Variants in VAPA observed in about 807,000 individuals in gnomAD.
VAPA encodes the protein VAMP associated protein A.
VAPA carries 6 observed loss-of-function variants against 25.6 expected under a neutral mutation model. That is an observed-to-expected ratio of 0.23 (90% CI 0.13 to 0.46). The LOEUF (loss-of-function observed/expected upper bound fraction) is 0.46. Among genes scored for constraint, VAPA ranks in the 20% least tolerant of loss-of-function variants. The probability of loss-of-function intolerance (pLI) is 0.99; values close to 1 mark genes in which losing one functional copy is unlikely to be tolerated. For synonymous variants in VAPA, 112 were observed against 106.2 expected, an observed-to-expected ratio of 1.05 and a Z score of -0.34; for missense variants, 244 against 302.1, an observed-to-expected ratio of 0.81 and a Z score of 1.43.
At chr18:9,929,560 G>T (rs1411758265) in intron 1 of VAPA, among the ~76,000 whole-genome samples, 1 of 152,132 alleles carries the variant, frequency 6.6e-6, no homozygotes, top group Non-Finnish European at 1.5e-5. Flanking sequence ...ATGTTTTTAT[G>T]AGGTGGGATA....
In VAPA at chr18:9,958,014, A is replaced by C. The variant is rs1263128090; in HGVS notation, c.*3803A>C. 3 of 152,224 alleles carry C rather than the reference A, an allele frequency of 2.0e-5. No individual in the cohort carries two copies. The highest frequency in any genetic ancestry group is 6.5e-5 in the Admixed American group (1 of 15,284). 9.4% of individuals were successfully genotyped at this position (152,224 alleles called of 1,614,324 possible). ...AAACATATATCACTAAGGAAAAAGA[A>C]AGTTTGTCTTGCCCTTCTGACACAG... On this transcript the variant is annotated 3_prime_UTR_variant, in exon 6 of 6. Transcript: ENST00000400000.
At chr18:9,915,650 G>C (rs1464460285) in intron 1 of VAPA, 3 of 152,142 alleles carry the variant, frequency 2.0e-5, no homozygotes, top group Admixed American at 6.5e-5. Flanking sequence ...GTTGTGTAAG[G>C]CTGAGTCCAA....
At chr18:9,938,931 A>G (rs2069338241) in intron 4 of VAPA, among the ~76,000 whole-genome samples, 1 of 152,196 alleles carries the variant, frequency 6.6e-6, no homozygotes, top group African/African-American at 2.4e-5. Context: ...GGTATTGTTT[A>G]AGGCAAATCC....
intron 2 of VAPA, among the ~76,000 whole-genome samples, chr18:9,935,243 A>G (rs2069297162): frequency 6.6e-6 from 1 of 152,068 alleles, no homozygotes; most frequent in Non-Finnish European, 1.5e-5. Flanking sequence ...ATAGATGTTT[A>G]TTTAAAATAC....
At chr18:9,936,437 G>A in intron 3 of VAPA, 1 of 323,222 alleles carries the variant, frequency 3.1e-6, no homozygotes, top group East Asian at 5.6e-5. Flanking sequence ...CTGGCCTGGT[G>A]CAGTGGCTCA....
chr18:9,921,107 C>T (rs1599097023), intron 1 of VAPA, among the ~76,000 whole-genome samples: 1 of 152,336 alleles, frequency 6.6e-6, no homozygotes, highest in East Asian at 1.9e-4. Flanking sequence ...GTTCTGGCAT[C>T]ATAAAATGAT....
chr18:9,938,000 T>A (rs2069328378), intron 4 of VAPA, among the ~76,000 whole-genome samples: 3 of 152,164 alleles, frequency 2.0e-5, no homozygotes, highest in African/African-American at 7.2e-5. Flanking sequence ...TTTAAGTGAT[T>A]TTTGAGGTAT....
At chr18:9,951,665 T>C (rs545268733) in intron 5 of VAPA, among the ~76,000 whole-genome samples, 1 of 152,272 alleles carries the variant, frequency 6.6e-6, no homozygotes, top group South Asian at 2.1e-4. Context: ...CTCTAGGCTT[T>C]GTTTGAAGCT....
At position 9,950,520 on chromosome 18, in the gene VAPA, A is replaced by G. The variant is rs750814049; in HGVS notation, c.543A>G (p.Arg181=). The G allele has an allele frequency of 7.4e-6, 12 of 1,613,194 alleles. No homozygotes were observed. Among genetic ancestry groups the G allele is most frequent in the East Asian group, 2.2e-5 (1 of 44,880 alleles). ...ETRKLMEECK[R]LQGEMMKLSE... is the part of the protein sequence containing the mutation. ...GGAAACTAATGGAAGAGTGTAAAAG[A>G]CTTCAGGGAGAAATGATGAAGCTAT... The change falls in exon 5 of 6, where the codon AGA becomes AGG. Residue 181 remains arginine (R), a synonymous_variant. Coordinates refer to ENST00000400000, the MANE Select transcript of VAPA (RefSeq NM_194434.3).
chr18:9,914,561 G>A, intron 1 of VAPA: 1 of 221,886 alleles, frequency 4.5e-6, no homozygotes, highest in South Asian at 1.8e-4. Context: ...TGCGGTGCGC[G>A]CGCCGGCCGG....
chr18:9,937,413 C>T (rs138798997), intron 4 of VAPA, among the ~76,000 whole-genome samples: 1 of 152,030 alleles, frequency 6.6e-6, no homozygotes, highest in Non-Finnish European at 1.5e-5. Context: ...TGCTTTTTGG[C>T]CACTATGTAC....
intron 2 of VAPA, among the ~76,000 whole-genome samples, chr18:9,932,642 G>T (rs913299117): frequency 2.0e-5 from 3 of 152,104 alleles, no homozygotes; most frequent in Non-Finnish European, 1.5e-5. Context: ...GTAAATATGA[G>T]AACTTTTATG....
At chr18:9,918,664 CTG>C (rs2069132531) in intron 1 of VAPA, among the ~76,000 whole-genome samples, 1 of 152,208 alleles carries the variant, frequency 6.6e-6, no homozygotes, top group Admixed American at 6.5e-5. Context: ...TTATCTCACT[CTG>C]TGAACTTTCT....
At chr18:9,928,597 CATTTTT>C (rs1417567345) in intron 1 of VAPA, among the ~76,000 whole-genome samples, 1 of 152,042 alleles carries the variant, frequency 6.6e-6, no homozygotes, top group Non-Finnish European at 1.5e-5. Flanking sequence ...CTTCATAACT[CATTTTT>C]ATATTTTGTA....
At position 9,955,738 on chromosome 18, in the gene VAPA, T is replaced by TA. The variant is rs1466608672; in HGVS notation, c.*1528dup. ...TGTTTTGAATTTGTCAGATCACACA[T>TA]ATATTGTGTTATTGGGCGCTGTGGT... On this transcript the variant is annotated 3_prime_UTR_variant, in exon 6 of 6. Coordinates refer to ENST00000400000, the MANE Select transcript of VAPA (RefSeq NM_194434.3). 6.6e-6 allele frequency: 1 copy of TA among 152,198 alleles called. No homozygotes were observed. Among genetic ancestry groups the TA allele is most frequent in the Non-Finnish European group, 1.5e-5 (1 of 68,028 alleles). The allele number at this position is 152,198 out of a possible 1,614,324, so 9.4% of individuals were successfully genotyped here.
At chr18:9,917,615 A>T (rs2069122654) in intron 1 of VAPA, among the ~76,000 whole-genome samples, 1 of 152,250 alleles carries the variant, frequency 6.6e-6, no homozygotes, top group Non-Finnish European at 1.5e-5. Context: ...TTTGAAGAAG[A>T]AAGTTTATAA....
At chr18:9,934,735 T>G (rs902437771) in intron 2 of VAPA, among the ~76,000 whole-genome samples, 8 of 152,224 alleles carry the variant, frequency 5.3e-5, no homozygotes, top group African/African-American at 1.9e-4. Flanking sequence ...GTCTGTTATA[T>G]TGGACTCATG....
chr18:9,925,461 A>C (rs917562845), intron 1 of VAPA, among the ~76,000 whole-genome samples: 2 of 152,108 alleles, frequency 1.3e-5, no homozygotes, highest in East Asian at 3.9e-4. Flanking sequence ...AGTTTTTAAA[A>C]ATAGAACTAA....
At chr18:9,923,238 T>G (rs542124468) in intron 1 of VAPA, among the ~76,000 whole-genome samples, 3 of 152,182 alleles carry the variant, frequency 2.0e-5, no homozygotes, top group Non-Finnish European at 4.4e-5. Flanking sequence ...GAAGTTTAGT[T>G]ACGTATCTTT....
Sources: gnomAD v4.1 joint callset for allele counts (sites outside exome capture counted in the v4.1 genomes callset) on GRCh38, gnomAD v4.1.1 for gene constraint, MANE v1.5 for transcripts, NCBI Gene and HGNC (gene_info 2026-07-23, HGNC 2026-07-21) for gene names.